Variants in PRKN observed in about 807,000 individuals in gnomAD.
PRKN encodes E3 ubiquitin-protein ligase parkin.
Under a neutral mutation model 59.5 loss-of-function variants are expected in PRKN, and 56 were observed. That is an observed-to-expected ratio of 0.94 (90% confidence interval 0.76 to 1.18). The LOEUF is 1.18. Ranked by LOEUF, PRKN falls within the 50% of genes most tolerant of loss-of-function variation. The pLI, the probability that PRKN is intolerant of heterozygous loss-of-function variation, is 0.00. For synonymous variants in PRKN, 250 were observed against 222.1 expected (o/e 1.13, Z -1.12); for missense variants, 657 against 596.4 (o/e 1.10, Z -1.06).
intron 1 of PRKN, among the ~76,000 whole-genome samples, chr6:162,454,614 T>C (rs1417772716): frequency 6.6e-6 from 1 of 152,220 alleles, no homozygotes; most frequent in Non-Finnish European, 1.5e-5. Context: ...CTGGACTGTA[T>C]GTTACCCTGA....
chr6:162,379,365 G>T (rs886505229), intron 2 of PRKN, among the ~76,000 whole-genome samples: 2 of 152,076 alleles, frequency 1.3e-5, no homozygotes, highest in African/African-American at 4.8e-5. Context: ...TCTATGAATT[G>T]GGAGATTACT....
At chr6:162,149,381 A>C (rs904135644) in intron 4 of PRKN, among the ~76,000 whole-genome samples, 3 of 151,934 alleles carry the variant, frequency 2.0e-5, no homozygotes, top group Admixed American at 1.3e-4. Flanking sequence ...AGTAGCTGGG[A>C]CTACAGGTGT....
chr6:161,926,522 A>T (rs1293401239), intron 6 of PRKN, among the ~76,000 whole-genome samples: 2 of 152,146 alleles, frequency 1.3e-5, no homozygotes, highest in Non-Finnish European at 2.9e-5. Flanking sequence ...ATGAATGCAT[A>T]AGGGAAATGT....
intron 1 of PRKN, among the ~76,000 whole-genome samples, chr6:162,546,207 G>A (rs1345273324): frequency 1.3e-5 from 2 of 149,186 alleles, no homozygotes; most frequent in African/African-American, 2.5e-5. Flanking sequence ...GGGTTCAAGC[G>A]ATGCTCCTGC....
intron 2 of PRKN, among the ~76,000 whole-genome samples, chr6:162,380,301 G>A (rs1476703133): frequency 1.3e-5 from 2 of 151,406 alleles, no homozygotes; most frequent in African/African-American, 4.9e-5. Flanking sequence ...GGAACACAGA[G>A]TTCTGAATAC....
At chr6:162,300,649 T>C (rs568594178) in intron 2 of PRKN, among the ~76,000 whole-genome samples, 1 of 152,226 alleles carries the variant, frequency 6.6e-6, no homozygotes, top group Admixed American at 6.5e-5. Flanking sequence ...AGTTAACCTT[T>C]ATCGGGCAAG....
chr6:161,517,663 C>T (rs189824566), intron 9 of PRKN, among the ~76,000 whole-genome samples: 256 of 137,838 alleles, frequency 1.9e-3, no homozygotes, highest in African/African-American at 6.5e-3. Context: ...TGGTGTGAAC[C>T]TGGAAGGCGG....
At chr6:162,391,797 A>G (rs2128145119) in intron 2 of PRKN, among the ~76,000 whole-genome samples, 1 of 152,314 alleles carries the variant, frequency 6.6e-6, no homozygotes, top group East Asian at 1.9e-4. Context: ...GTCATATAGC[A>G]AGTTTCACAC....
intron 2 of PRKN, among the ~76,000 whole-genome samples, chr6:162,303,966 T>C (rs1782088265): frequency 6.6e-6 from 1 of 152,074 alleles, no homozygotes; most frequent in African/African-American, 2.4e-5. Flanking sequence ...CCTGGAAATA[T>C]GTTAAAGGTC....
At position 161,902,913 on chromosome 6, in the gene PRKN, C is replaced by T. The variant is rs151043772; in HGVS notation, c.734+70389G>A. Among the ~76,000 whole-genome samples, 171 of 152,264 alleles carry T rather than the reference C, an allele frequency of 1.1e-3. 1 individual carries two copies. Among genetic ancestry groups the T allele is most frequent in the African/African-American group, 3.9e-3 (163 of 41,564 alleles). ...ACTAAGGCACAGCGTTAGGGAAACA[C>T]CTCATGCTGCCTGTATAAACCCCTG... On this transcript the variant is annotated intron_variant, in intron 6 of 11. Transcript: ENST00000366898.
chr6:162,625,491 A>C (rs569108541), intron 1 of PRKN, among the ~76,000 whole-genome samples: 1 of 152,324 alleles, frequency 6.6e-6, no homozygotes, highest in African/African-American at 2.4e-5. Context: ...CAGGAACCTA[A>C]GATGAGAAGG....
intron 6 of PRKN, among the ~76,000 whole-genome samples, chr6:161,956,934 C>T (rs1780191247): frequency 6.6e-6 from 1 of 152,110 alleles, no homozygotes; most frequent in African/African-American, 2.4e-5. Flanking sequence ...AGTGTTGTCA[C>T]CGGCATTCCT....
intron 1 of PRKN, among the ~76,000 whole-genome samples, chr6:162,716,579 C>T (rs1220777737): frequency 1.3e-5 from 2 of 152,142 alleles, no homozygotes; most frequent in Non-Finnish European, 2.9e-5. Flanking sequence ...AACAAAACTT[C>T]CCCTTCTCTA....
chr6:162,180,084 G>T (rs6935949), intron 4 of PRKN, among the ~76,000 whole-genome samples: 80,090 of 150,548 alleles, frequency 0.53, 22,051 homozygotes, highest in Non-Finnish European at 0.62. Context: ...ACATGTGATA[G>T]GTGAAATTCA....
intron 6 of PRKN, among the ~76,000 whole-genome samples, chr6:161,898,984 G>A (rs1317118847): frequency 6.6e-6 from 1 of 152,228 alleles, no homozygotes. Flanking sequence ...GAAGTCAAGG[G>A]CAAAAGGGCA....
At chr6:162,467,259 T>C (rs1313288037) in intron 1 of PRKN, among the ~76,000 whole-genome samples, 8 of 152,156 alleles carry the variant, frequency 5.3e-5, no homozygotes, top group Non-Finnish European at 5.9e-5. Flanking sequence ...TTCGTTTTGT[T>C]CACTACTCTA....
At chr6:161,966,309 T>G (rs1350600057) in intron 6 of PRKN, among the ~76,000 whole-genome samples, 1 of 152,004 alleles carries the variant, frequency 6.6e-6, no homozygotes, top group Non-Finnish European at 1.5e-5. Flanking sequence ...TTGATAAGGA[T>G]TTTTCTATTT....
rs1382690224 is a variant in PRKN, at chr6:161,377,692, T to C, written c.1167+9102A>G. On this transcript the variant is annotated intron_variant, in intron 10 of 11. Transcript: ENST00000366898. The surrounding 1 kb of genome is among the most constrained non-coding windows in gnomAD (Gnocchi z 4.2). ...AGGCCTTTGCAAGGTGATTGGGTCATAAGTCAGAGCCCTCGGGAATGGGAT... is the reference window on the plus strand; with the variant it reads ...AGGCCTTTGCAAGGTGATTGGGTCACAAGTCAGAGCCCTCGGGAATGGGAT... Among the ~76,000 whole-genome samples, 1 of 152,122 alleles carries C rather than the reference T, an allele frequency of 6.6e-6. No individual in the cohort carries two copies. The highest frequency in any genetic ancestry group is 1.5e-5 in the Non-Finnish European group (1 of 68,016).
intron 6 of PRKN, among the ~76,000 whole-genome samples, chr6:161,859,355 A>G (rs1442539175): frequency 6.6e-6 from 1 of 152,004 alleles, no homozygotes; most frequent in Non-Finnish European, 1.5e-5. Context: ...CTGTAATCCC[A>G]GCACTTTGGG....
Sources: gnomAD v4.1 joint callset for allele counts (sites outside exome capture counted in the v4.1 genomes callset) on GRCh38, gnomAD v4.1.1 for gene constraint, Gnocchi (gnomAD v3.1) non-coding constraint, MANE v1.5 for transcripts, NCBI Gene and HGNC (gene_info 2026-07-23, HGNC 2026-07-21) for gene names.